Variants in TRIM9 observed in about 807,000 individuals in gnomAD.
The protein encoded by TRIM9 is E3 ubiquitin-protein ligase TRIM9.
A neutral mutation model predicts 78.3 loss-of-function variants in TRIM9; 26 were observed. The ratio of observed to expected loss-of-function variants is 0.33; its 90% confidence interval spans 0.24 to 0.46. The LOEUF (loss-of-function observed/expected upper bound fraction) is 0.46, where lower values mean the gene tolerates loss of function less well. Ranked by LOEUF, TRIM9 falls within the 20% of genes least tolerant of loss-of-function variation. The probability of loss-of-function intolerance (pLI) is 1.00; values close to 1 mark genes in which losing one functional copy is unlikely to be tolerated. For synonymous variants in TRIM9, 398 were observed against 416.5 expected, an observed-to-expected ratio of 0.96 and a Z score of 0.54; for missense variants, 787 against 1,036.4, an observed-to-expected ratio of 0.76 and a Z score of 3.30.
intron 3 of TRIM9, among the ~76,000 whole-genome samples, chr14:51,013,805 A>G (rs1885461945): frequency 6.6e-6 from 1 of 152,180 alleles, no homozygotes. Context: ...TTAGGCTTCC[A>G]TTTCTTGGGG....
chr14:51,000,628 C>T (rs2054855408), intron 6 of TRIM9, 55 bp downstream of exon 6: 2 of 1,602,006 alleles, frequency 1.2e-6, no homozygotes, highest in African/African-American at 1.3e-5. Flanking sequence ...CTGGCAGGTC[C>T]TCTGACAGAG....
At chr14:51,092,811 TA>T (rs1566658163) in intron 1 of TRIM9, among the ~76,000 whole-genome samples, 1 of 152,036 alleles carries the variant, frequency 6.6e-6, no homozygotes, top group African/African-American at 2.4e-5. Flanking sequence ...AAAAATAACA[TA>T]ATTAAAATAT....
At chr14:50,994,670 A>G (rs2053966986) in intron 7 of TRIM9, among the ~76,000 whole-genome samples, 1 of 152,196 alleles carries the variant, frequency 6.6e-6, no homozygotes, top group African/African-American at 2.4e-5. Context: ...TGTCTCACAC[A>G]TAGCATAAAC....
intron 1 of TRIM9, among the ~76,000 whole-genome samples, chr14:51,056,617 A>C (rs1454059638): frequency 6.6e-6 from 1 of 152,220 alleles, no homozygotes. Context: ...ATACAAAATG[A>C]ATGACCCAGG....
At chr14:51,009,712 A>G (rs2056318047) in intron 4 of TRIM9, among the ~76,000 whole-genome samples, 1 of 152,236 alleles carries the variant, frequency 6.6e-6, no homozygotes, top group African/African-American at 2.4e-5. Context: ...TCATGTGATT[A>G]TCACTGTATT....
intron 1 of TRIM9, among the ~76,000 whole-genome samples, chr14:51,080,725 T>G (rs573524286): frequency 6.6e-6 from 1 of 152,254 alleles, no homozygotes; most frequent in Non-Finnish European, 1.5e-5. Flanking sequence ...TTTTGAATAC[T>G]GCCATGGTAA....
intron 1 of TRIM9, among the ~76,000 whole-genome samples, chr14:51,044,042 T>C (rs987732772): frequency 6.6e-6 from 1 of 152,226 alleles, no homozygotes; most frequent in Non-Finnish European, 1.5e-5. Context: ...ACGTGTTCTG[T>C]CCATGATGAA....
chr14:51,082,617 T>C (rs1201837841), intron 1 of TRIM9, among the ~76,000 whole-genome samples: 3 of 152,178 alleles, frequency 2.0e-5, no homozygotes, highest in African/African-American at 7.2e-5. Flanking sequence ...TGTGGGGTTT[T>C]AGTGGTGACT....
intron 7 of TRIM9, among the ~76,000 whole-genome samples, chr14:50,995,780 A>G (rs1415777809): frequency 6.6e-6 from 1 of 152,188 alleles, no homozygotes; most frequent in African/African-American, 2.4e-5. Flanking sequence ...AAAGAAAAAA[A>G]AAATCTCTAA....
chr14:51,026,315 C>T (rs1383062644), intron 1 of TRIM9, among the ~76,000 whole-genome samples: 1 of 152,148 alleles, frequency 6.6e-6, no homozygotes, highest in Non-Finnish European at 1.5e-5. Context: ...GTTCTGATGG[C>T]ATCTTTGAGC....
At chr14:51,070,958 G>A (rs2062171409) in intron 1 of TRIM9, among the ~76,000 whole-genome samples, 1 of 152,140 alleles carries the variant, frequency 6.6e-6, no homozygotes, top group Non-Finnish European at 1.5e-5. Flanking sequence ...AAAATGATGA[G>A]TCAGAGATTC....
intron 1 of TRIM9, among the ~76,000 whole-genome samples, chr14:51,059,223 A>G (rs1170939918): frequency 2.0e-5 from 3 of 152,202 alleles, no homozygotes; most frequent in African/African-American, 7.2e-5. Context: ...TCCCCCAAAC[A>G]GCACTTCAAT....
At chr14:50,985,919 A>C in intron 8 of TRIM9, 37 bp downstream of exon 8, 5 of 1,420,378 alleles carry the variant, frequency 3.5e-6, no homozygotes, top group Non-Finnish European at 4.6e-6. Context: ...TTCAAGGCAC[A>C]GAGATCAAGG....
At chr14:51,078,242 G>A (rs2062981216) in intron 1 of TRIM9, among the ~76,000 whole-genome samples, 5 of 152,044 alleles carry the variant, frequency 3.3e-5, no homozygotes, top group African/African-American at 1.2e-4. Flanking sequence ...GAATGTAGTG[G>A]GTATATTGTG....
At chr14:50,986,481 T>C (rs2052728783) in intron 7 of TRIM9, 1 of 174,860 alleles carries the variant, frequency 5.7e-6, no homozygotes, top group Non-Finnish European at 1.2e-5. Flanking sequence ...TACCTATTGA[T>C]GACCAAGAGG....
intron 2 of TRIM9, 87 bp from the exon 3 acceptor site, chr14:51,023,044 G>C: frequency 6.5e-7 from 1 of 1,539,218 alleles, no homozygotes; most frequent in Non-Finnish European, 8.8e-7. Flanking sequence ...CCTGCTGAAG[G>C]GAATGAAAAG....
At chr14:51,061,199 G>A (rs565361064) in intron 1 of TRIM9, among the ~76,000 whole-genome samples, 15 of 151,966 alleles carry the variant, frequency 9.9e-5, no homozygotes, top group East Asian at 9.7e-4. Flanking sequence ...GATCACCTGC[G>A]GTCAGGAGTT....
At chr14:50,977,707 G>A (rs774906936) in intron 12 of TRIM9, among the ~76,000 whole-genome samples, 2 of 152,218 alleles carry the variant, frequency 1.3e-5, no homozygotes, top group Non-Finnish European at 2.9e-5. Flanking sequence ...TCCATGGATA[G>A]AGGACAGATT....
chr14:50,987,284 C>T (rs1425348864), intron 7 of TRIM9, among the ~76,000 whole-genome samples: 1 of 152,214 alleles, frequency 6.6e-6, no homozygotes, highest in African/African-American at 2.4e-5. Context: ...CAAAATGTTA[C>T]TCGCATGTTG....
Sources: allele counts gnomAD v4.1 joint callset (sites outside exome capture counted in the v4.1 genomes callset), GRCh38; gene constraint gnomAD v4.1.1; transcripts MANE v1.5; gene names NCBI Gene and HGNC (gene_info 2026-07-23, HGNC 2026-07-21).